SUGCT: variants seen among roughly 807,000 people sequenced by gnomAD.
SUGCT encodes succinyl-CoA:glutarate CoA-transferase.
In SUGCT, 41 loss-of-function variants were observed where a neutral mutation model predicts 55.0. That is an observed-to-expected ratio of 0.74 (90% CI 0.58 to 0.97). The LOEUF (loss-of-function observed/expected upper bound fraction) is 0.97. Among genes scored for constraint, SUGCT ranks in the 50% least tolerant of loss-of-function variants. SUGCT has a pLI of 0.00. For synonymous variants in SUGCT, 187 were observed against 200.4 expected, an observed-to-expected ratio of 0.93 and a Z score of 0.56; for missense variants, 568 against 547.8, an observed-to-expected ratio of 1.04 and a Z score of -0.37.
intron 9 of SUGCT, among the ~76,000 whole-genome samples, chr7:40,408,727 G>T (rs570778836): frequency 6.6e-6 from 1 of 152,198 alleles, no homozygotes; most frequent in Non-Finnish European, 1.5e-5. Context: ...AATTTGGAGA[G>T]CTCAGGAAAA....
intron 9 of SUGCT, among the ~76,000 whole-genome samples, chr7:40,318,760 T>G (rs1231429422): frequency 6.6e-6 from 1 of 152,228 alleles, no homozygotes; most frequent in Non-Finnish European, 1.5e-5. Flanking sequence ...TTTATGTACG[T>G]GAAGAAAGCA....
chr7:40,957,447 CTTTTTTTTTTTTT>C, the SUGCT span, among the ~76,000 whole-genome samples: 2 of 76,090 alleles, frequency 2.6e-5, no homozygotes, highest in East Asian at 4.5e-4. Context: ...GCAACCCCTG[CTTTTTTTTTTTTT>C]TTTTTTTTTT....
At chr7:40,188,619 T>A in intron 4 of SUGCT, 39 bp downstream of exon 4, 2 of 1,359,852 alleles carry the variant, frequency 1.5e-6, no homozygotes, top group Non-Finnish European at 2.0e-6. Flanking sequence ...TGTGTGTAAT[T>A]CTCTTATAAT....
chr7:40,813,504 T>C (rs1791523211), intron 13 of SUGCT, among the ~76,000 whole-genome samples: 1 of 152,194 alleles, frequency 6.6e-6, no homozygotes, highest in South Asian at 2.1e-4. Flanking sequence ...GTTTAAAGTA[T>C]ATTGTGGCTG....
At chr7:40,529,809 G>A (rs754722254) in intron 12 of SUGCT, among the ~76,000 whole-genome samples, 33 of 152,178 alleles carry the variant, frequency 2.2e-4, no homozygotes, top group East Asian at 5.8e-4. Flanking sequence ...GATAAAAACC[G>A]CAATTACTAT....
At position 40,292,438 on chromosome 7, in the gene SUGCT, A is replaced by G. The variant is rs533476382; in HGVS notation, c.720+17782A>G. ...ACTTACAGGATAGACGACAATTCAG[A>G]TGCATTTTGAGGTTTTCTTTAAAGG... On this transcript the variant is annotated intron_variant, in intron 8 of 13. Coordinates refer to ENST00000335693, the MANE Select transcript of SUGCT (RefSeq NM_001193313.2). Among the ~76,000 whole-genome samples the G allele has an allele frequency of 6.6e-5, 10 of 152,244 alleles. No homozygotes were observed. In the South Asian group the frequency reaches 2.1e-3, roughly 32 times the overall value.
chr7:40,826,264 A>G (rs930748200), intron 13 of SUGCT, among the ~76,000 whole-genome samples: 5 of 152,200 alleles, frequency 3.3e-5, no homozygotes, highest in African/African-American at 9.6e-5. Context: ...CAACTGATAC[A>G]CTATCTTCAA....
Position 40,377,200 on chromosome 7 carries a change from T to TTC in SUGCT, c.816+60346_816+60347insCT, listed in dbSNP as rs1554326851. Among the ~76,000 whole-genome samples, 16 of 5,944 alleles carry TTC rather than the reference T, an allele frequency of 2.7e-3. 3 individuals carry two copies. Among genetic ancestry groups the TTC allele is most frequent in the Non-Finnish European group, 0.025 (9 of 362 alleles). 3.9% of individuals were successfully genotyped at this position (5,944 alleles called of 152,430 possible). ...TTTCTTTCTTTCTTTCTTTCTTTCT[T>TTC]TTCTTTTCTTTTCTTTCTTTTCTTT... On this transcript the variant is annotated intron_variant, in intron 9 of 13. Transcript: ENST00000335693.
chr7:40,712,451 A>C (rs1036322980), intron 12 of SUGCT, among the ~76,000 whole-genome samples: 2 of 152,226 alleles, frequency 1.3e-5, no homozygotes, highest in African/African-American at 4.8e-5. Flanking sequence ...TTTCACCATA[A>C]TTTGTTATGG....
the SUGCT span, chr7:40,967,138 G>A: frequency 6.6e-6 from 1 of 152,084 alleles, no homozygotes; most frequent in African/African-American, 2.4e-5. Context: ...TACCCAAATG[G>A]GTGAGAAAAG....
At chr7:40,174,837 T>C (rs912315777) in intron 1 of SUGCT, among the ~76,000 whole-genome samples, 1 of 152,226 alleles carries the variant, frequency 6.6e-6, no homozygotes, top group Non-Finnish European at 1.5e-5. Context: ...AAAGTGTCAA[T>C]TGCTCTCCTA....
At chr7:40,636,024 G>C (rs892401436) in intron 12 of SUGCT, among the ~76,000 whole-genome samples, 4 of 152,196 alleles carry the variant, frequency 2.6e-5, no homozygotes, top group Non-Finnish European at 5.9e-5. Context: ...ATATACCTAT[G>C]TGATGTACTG....
intron 12 of SUGCT, among the ~76,000 whole-genome samples, chr7:40,586,021 C>T (rs73308300): frequency 0.095 from 14,396 of 151,908 alleles, 723 homozygotes; most frequent in Middle Eastern, 0.12. Context: ...TTTCTTTTAC[C>T]TGCCAGACCT....
chr7:40,976,015 A>G, the SUGCT span, among the ~76,000 whole-genome samples: 1 of 152,214 alleles, frequency 6.6e-6, no homozygotes, highest in Non-Finnish European at 1.5e-5. Context: ...CCAGGATCAG[A>G]TATCCCTCCC....
At chr7:41,027,360 A>G in the SUGCT span, among the ~76,000 whole-genome samples, 3 of 152,192 alleles carry the variant, frequency 2.0e-5, no homozygotes, top group Non-Finnish European at 4.4e-5. Flanking sequence ...AGGATGGGTC[A>G]AGGGATGTGG....
At chr7:40,952,846 T>G in the SUGCT span, among the ~76,000 whole-genome samples, 1 of 152,220 alleles carries the variant, frequency 6.6e-6, no homozygotes, top group South Asian at 2.1e-4. Flanking sequence ...GGGCTTCCCT[T>G]TGTGGGTAAC....
chr7:40,304,531 C>CCCAT (rs1794734580), intron 8 of SUGCT, among the ~76,000 whole-genome samples: 1 of 150,846 alleles, frequency 6.6e-6, no homozygotes, highest in South Asian at 2.1e-4. Context: ...TTTTGGTGCA[C>CCCAT]CCATCACCTG....
intron 12 of SUGCT, among the ~76,000 whole-genome samples, chr7:40,669,382 C>A (rs1054480967): frequency 6.8e-6 from 1 of 147,052 alleles, no homozygotes; most frequent in African/African-American, 2.5e-5. Flanking sequence ...ACTCATCCAA[C>A]CAAGAACTAG....
At chr7:41,025,325 A>G in the SUGCT span, among the ~76,000 whole-genome samples, 1 of 152,102 alleles carries the variant, frequency 6.6e-6, no homozygotes, top group African/African-American at 2.4e-5. Flanking sequence ...TATTTTCAGT[A>G]TGTCTGAAAT....
Sources: allele counts gnomAD v4.1 joint callset (sites outside exome capture counted in the v4.1 genomes callset), GRCh38; gene constraint gnomAD v4.1.1; transcripts MANE v1.5; gene names NCBI Gene and HGNC (gene_info 2026-07-23, HGNC 2026-07-21).